The following ZNF827 variants were observed in gnomAD, a reference collection of about 807,000 sequenced individuals.
ZNF827 encodes the protein zinc finger protein 827.
In ZNF827, 13 loss-of-function variants were observed where a neutral mutation model predicts 102.4. The ratio of observed to expected loss-of-function variants is 0.13; its 90% CI spans 0.08 to 0.20. The LOEUF is 0.20. ZNF827 is among the 10% of genes least tolerant of loss of function. The pLI, the probability that ZNF827 is intolerant of heterozygous loss-of-function variation, is 1.00. For missense variants in ZNF827, 1,103 were observed against 1,344.4 expected (o/e 0.82, Z 2.81); for synonymous variants, 523 against 536.2 (o/e 0.98, Z 0.34).
chr4:145,873,824 C>CTT (rs1748918401), intron 4 of ZNF827, among the ~76,000 whole-genome samples: 2 of 152,144 alleles, frequency 1.3e-5, no homozygotes, highest in Non-Finnish European at 2.9e-5. Flanking sequence ...TCCCAGAACC[C>CTT]TTTATAAAGT....
chr4:145,792,787 T>A (rs891289921), intron 8 of ZNF827, among the ~76,000 whole-genome samples: 1 of 152,188 alleles, frequency 6.6e-6, no homozygotes, highest in African/African-American at 2.4e-5. Flanking sequence ...ATGTCTTCCT[T>A]CCATTTCAAT....
intron 1 of ZNF827, among the ~76,000 whole-genome samples, chr4:145,904,304 T>C (rs1751654642): frequency 6.6e-6 from 1 of 152,220 alleles, no homozygotes; most frequent in Non-Finnish European, 1.5e-5. Flanking sequence ...TCCTGCCTTC[T>C]TGGAGCTTAC....
At chr4:145,910,563 G>C (rs1752210948) in intron 1 of ZNF827, among the ~76,000 whole-genome samples, 2 of 151,962 alleles carry the variant, frequency 1.3e-5, no homozygotes, top group Non-Finnish European at 2.9e-5. Flanking sequence ...TACTAACCTG[G>C]TACCCAGTGC....
intron 5 of ZNF827, among the ~76,000 whole-genome samples, chr4:145,862,853 T>C (rs957775731): frequency 2.0e-5 from 3 of 152,274 alleles, no homozygotes; most frequent in African/African-American, 7.2e-5. Flanking sequence ...TTATGGAAAA[T>C]GTGATAGGGC....
At chr4:145,900,437 A>G (rs1233431996) in intron 2 of ZNF827, among the ~76,000 whole-genome samples, 3 of 151,704 alleles carry the variant, frequency 2.0e-5, no homozygotes, top group Admixed American at 6.6e-5. Flanking sequence ...TATTTTTTTG[A>G]GACAGAGTCT....
rs1332070958 is a variant in ZNF827 at position 145,870,488 on chromosome 4, G to GA, written c.1748-11dup. The GA allele has an allele frequency of 3.1e-6, 5 of 1,600,910 alleles. No homozygotes were observed. The highest frequency in any genetic ancestry group is 2.2e-5 in the South Asian group (2 of 89,262). ...TCCTTCTGATTTGCAGCTGTCAAAAGAAAAAAAGGGATTATATATACATAA... is the reference window on the plus strand; with the variant it reads ...TCCTTCTGATTTGCAGCTGTCAAAAGAAAAAAAAGGGATTATATATACATAA... On this transcript the variant is annotated splice_polypyrimidine_tract_variant and intron_variant, in intron 4 of 14. Transcript: ENST00000508784.
At chr4:145,921,933 T>C (rs1398930805) in intron 1 of ZNF827, among the ~76,000 whole-genome samples, 1 of 152,174 alleles carries the variant, frequency 6.6e-6, no homozygotes, top group Admixed American at 6.5e-5. Flanking sequence ...AACTGATACA[T>C]ACATATTTAC....
At chr4:145,786,185 GTTTCC>G (rs1362982396) in intron 8 of ZNF827, among the ~76,000 whole-genome samples, 2 of 152,260 alleles carry the variant, frequency 1.3e-5, no homozygotes, top group Non-Finnish European at 2.9e-5. Flanking sequence ...ACTTTAGTTT[GTTTCC>G]TTTCAATTTT....
intron 4 of ZNF827, among the ~76,000 whole-genome samples, chr4:145,872,216 C>G (rs1268162332): frequency 6.6e-6 from 1 of 152,138 alleles, no homozygotes; most frequent in African/African-American, 2.4e-5. Flanking sequence ...GTGGAATATA[C>G]CTGGAGGTAG....
chr4:145,810,057 T>G (rs1242806653), intron 8 of ZNF827, among the ~76,000 whole-genome samples: 2 of 152,222 alleles, frequency 1.3e-5, no homozygotes, highest in African/African-American at 4.8e-5. Context: ...AAATGGAAAT[T>G]CATAAAATAT....
intron 7 of ZNF827, among the ~76,000 whole-genome samples, chr4:145,825,481 C>A (rs543344050): frequency 6.6e-6 from 1 of 152,312 alleles, no homozygotes; most frequent in Admixed American, 6.5e-5. Flanking sequence ...GTGGCCAGTG[C>A]AGCAGTCCAG....
intron 6 of ZNF827, among the ~76,000 whole-genome samples, chr4:145,847,415 C>A (rs79429306): frequency 0.01 from 1,529 of 152,270 alleles, 26 homozygotes; most frequent in African/African-American, 0.034. Flanking sequence ...TGATGACAAC[C>A]TTTAAGCATT....
At chr4:145,855,117 T>C (rs1029525128) in intron 5 of ZNF827, among the ~76,000 whole-genome samples, 6 of 152,190 alleles carry the variant, frequency 3.9e-5, no homozygotes, top group African/African-American at 9.7e-5. Context: ...TGCTACAGAT[T>C]ACAACAAAAT....
chr4:145,821,705 A>G (rs1019072802), intron 8 of ZNF827, among the ~76,000 whole-genome samples: 35 of 152,184 alleles, frequency 2.3e-4, no homozygotes, highest in African/African-American at 8.4e-4. Flanking sequence ...TAAAAATCTC[A>G]GTTATGCTGA....
In ZNF827 at chr4:145,894,631, A is replaced by C. The variant is rs143462092; in HGVS notation, c.1094-2216T>G. On this transcript the variant is annotated intron_variant, in intron 2 of 14. Transcript: ENST00000508784. ...TTAGCTCAACCATGCAACTTGAAAA[A>C]GAATCAAGTCTGGAAATTCCACTTG... 2.2e-4 allele frequency among the ~76,000 whole-genome samples: 34 copies of C among 152,356 alleles called. No individual in the cohort carries two copies. In the East Asian group the frequency reaches 6.2e-3, roughly 28 times the overall value.
intron 8 of ZNF827, chr4:145,819,994 C>G (rs1488047655): frequency 1.3e-5 from 2 of 152,276 alleles, no homozygotes; most frequent in Admixed American, 6.5e-5. Context: ...AAGGCAAATG[C>G]CTAGTTAACT....
rs545907445 is a variant in ZNF827, at chr4:145,856,974, C to T, written c.1982-7413G>A. Among the ~76,000 whole-genome samples, 332 of 127,422 alleles carry T rather than the reference C, an allele frequency of 2.6e-3. 2 individuals carry two copies. Among genetic ancestry groups the T allele is most frequent in the African/African-American group, 4.1e-3 (143 of 34,588 alleles). The allele number at this position is 127,422 out of a possible 152,430, so 83.6% of individuals were successfully genotyped here. A position where few individuals can be genotyped will look rare whatever the true frequency, so the allele number is the denominator to read the frequency against. On this transcript the variant is annotated intron_variant, in intron 5 of 14. Transcript: ENST00000508784. Reference sequence around the variant, plus strand: ...CCTCCTTCTTTCTCGCTCATGCGCGCGCACGCGCACGCACACACACACACA... The same window carrying T: ...CCTCCTTCTTTCTCGCTCATGCGCGTGCACGCGCACGCACACACACACACA...
At chr4:145,878,279 C>T (rs1257239715) in intron 4 of ZNF827, among the ~76,000 whole-genome samples, 1 of 152,026 alleles carries the variant, frequency 6.6e-6, no homozygotes, top group Non-Finnish European at 1.5e-5. Context: ...ACATGCAATT[C>T]CATGGTTCCA....
At chr4:145,849,676 G>A (rs72723888) in intron 5 of ZNF827, 115 bp from the exon 6 acceptor site, 100,435 of 1,485,046 alleles carry the variant, frequency 0.068, 3,957 homozygotes, top group Non-Finnish European at 0.079. Context: ...AGAGAAAAAT[G>A]AGCGTGCACG....
Sources: allele counts gnomAD v4.1 joint callset (sites outside exome capture counted in the v4.1 genomes callset), GRCh38; gene constraint gnomAD v4.1.1; transcripts MANE v1.5; gene names NCBI Gene and HGNC (gene_info 2026-07-23, HGNC 2026-07-21).